Variants in SP110 observed in about 807,000 individuals in gnomAD.
SP110 encodes SP110 nuclear body protein.
SP110 carries 62 observed loss-of-function variants against 92.7 expected under a neutral mutation model. The observed-to-expected ratio is 0.67, with a 90% CI of 0.55 to 0.83. The LOEUF is 0.83. SP110 is among the 40% of genes least tolerant of loss of function. SP110 has a pLI of 0.00. For missense variants in SP110, 793 were observed against 863.9 expected (o/e 0.92, Z 1.03); for synonymous variants, 273 against 305.3 (o/e 0.89, Z 1.10).
chr2:230,197,160 C>A (rs1426392017), intron 10 of SP110, among the ~76,000 whole-genome samples: 1 of 152,116 alleles, frequency 6.6e-6, no homozygotes, highest in East Asian at 1.9e-4. Context: ...GTCCCACCAA[C>A]AGTGTAAAAG....
intron 11 of SP110, among the ~76,000 whole-genome samples, chr2:230,185,279 T>C (rs1428989870): frequency 6.6e-6 from 1 of 152,134 alleles, no homozygotes; most frequent in Non-Finnish European, 1.5e-5. Context: ...CGCTAAGTTA[T>C]CACATGGGCA....
intron 14 of SP110, among the ~76,000 whole-genome samples, chr2:230,175,670 G>A (rs1003508293): frequency 6.6e-6 from 1 of 152,172 alleles, no homozygotes; most frequent in Admixed American, 6.5e-5. Context: ...CTCATGAGTG[G>A]AGCTGATGTG....
chr2:230,176,642 G>A, intron 14 of SP110: 2 of 1,613,950 alleles, frequency 1.2e-6, no homozygotes, highest in Non-Finnish European at 1.7e-6. Flanking sequence ...CTGCAACATG[G>A]TGACTGAGAG....
At chr2:230,194,532 G>A (rs2042776874) in intron 10 of SP110, among the ~76,000 whole-genome samples, 1 of 152,120 alleles carries the variant, frequency 6.6e-6, no homozygotes, top group Admixed American at 6.5e-5. Flanking sequence ...AAGAAAAGTG[G>A]GATGAAGCAG....
At chr2:230,218,352 T>C (rs1431976959) in intron 1 of SP110, among the ~76,000 whole-genome samples, 1 of 152,088 alleles carries the variant, frequency 6.6e-6, no homozygotes, top group Non-Finnish European at 1.5e-5. Flanking sequence ...AAAATACTCA[T>C]GAAAAGAATA....
chr2:230,201,778 A>G (rs2043205718), intron 9 of SP110, among the ~76,000 whole-genome samples: 1 of 152,266 alleles, frequency 6.6e-6, no homozygotes, highest in Non-Finnish European at 1.5e-5. Context: ...TTCAAAATGC[A>G]AGGTGGATTA....
rs1392535059 is a variant in SP110, at chr2:230,171,608, T to G, written c.1887+88A>C. On this transcript the variant is annotated intron_variant, in intron 17 of 18. Transcript: ENST00000258381. ...CTGCCCTTCTCTTCTGTTCTCCAGC[T>G]TCCTGAGCAAACTGCAGCACCTGCC... 3.9e-6 allele frequency: 4 copies of G among 1,015,176 alleles called. No homozygotes were observed. In the East Asian group the frequency reaches 7.1e-5, roughly 18 times the overall value. The allele number at this position is 1,015,176 out of a possible 1,614,324, so 62.9% of individuals were successfully genotyped here. A position where few individuals can be genotyped will look rare whatever the true frequency, so the allele number is the denominator to read the frequency against.
chr2:230,220,044 A>C (rs1002447669), upstream of SP110: 71 of 985,364 alleles, frequency 7.2e-5, no homozygotes, highest in Non-Finnish European at 8.4e-5. Flanking sequence ...AAGTTTTCGG[A>C]GTTTGCCAAG....
At chr2:230,180,414 T>G (rs2042078345) in intron 12 of SP110, among the ~76,000 whole-genome samples, 3 of 142,366 alleles carry the variant, frequency 2.1e-5, no homozygotes, top group Admixed American at 7.1e-5. Flanking sequence ...ACATGAGGGG[T>G]CTGGGGAGGG....
intron 12 of SP110, among the ~76,000 whole-genome samples, chr2:230,180,001 C>T (rs1050903203): frequency 1.3e-5 from 2 of 152,194 alleles, no homozygotes; most frequent in African/African-American, 4.8e-5. Flanking sequence ...GCCTCACCTA[C>T]TCATCTTACC....
At chr2:230,195,072 T>C (rs546091812) in intron 10 of SP110, among the ~76,000 whole-genome samples, 104 of 152,210 alleles carry the variant, frequency 6.8e-4, no homozygotes, top group African/African-American at 2.4e-3. Context: ...TTCTGTTTTC[T>C]TTTTGAACTT....
In SP110 at chr2:230,199,144, TA is replaced by T. The variant is rs1446125654; in HGVS notation, c.1129+1740del. ...CTTTAGCTACTATTATTATTATTAT[TA>T]TTATTTTTTTTTTTTTTTAGTGGGG... On this transcript the variant is annotated intron_variant, in intron 10 of 18. Transcript: ENST00000258381. Among the ~76,000 whole-genome samples the T allele has an allele frequency of 5.7e-4, 77 of 134,394 alleles. 1 individual carries two copies. The highest frequency in any genetic ancestry group is 2.2e-3 in the African/African-American group (66 of 30,566). 88.2% of individuals were successfully genotyped at this position (134,394 alleles called of 152,430 possible).
At position 230,203,892 on chromosome 2, in the gene SP110, TAA is replaced by T. The variant is rs1304516154; in HGVS notation, c.899-1166_899-1165del. Among the ~76,000 whole-genome samples the T allele has an allele frequency of 9.9e-5, 15 of 152,260 alleles. 1 individual carries two copies. The South Asian group carries it at 3.1e-3, about 32-fold the overall frequency. ...GGTACAGGGTTTTAGTTTTACAAGA[TAA>T]AAGAGTCCTGGAGATGGATGGTGGT... On this transcript the variant is annotated intron_variant, in intron 8 of 18. Coordinates refer to ENST00000258381, the MANE Select transcript of SP110 (RefSeq NM_080424.4).
Position 230,202,730 on chromosome 2 carries a change from T to C in SP110, c.899-2A>G. 4 of 1,614,160 alleles carry C rather than the reference T, an allele frequency of 2.5e-6. No individual in the cohort carries two copies. The highest frequency in any genetic ancestry group is 2.5e-6 in the Non-Finnish European group (3 of 1,180,000). ...TTCCGTGTCTAGATGAGGCTGTCCC[T>C]GGACCAAATAATGACTTGTTAATAG... On this transcript the variant is annotated splice_acceptor_variant, in intron 8 of 18. Transcript: ENST00000258381. LOFTEE classifies it high-confidence loss of function.
intron 7 of SP110, 139 bp downstream of exon 7, chr2:230,209,792 T>G: frequency 1.4e-6 from 1 of 710,926 alleles, no homozygotes; most frequent in Non-Finnish European, 2.5e-6. Context: ...ATGCAGCAAA[T>G]GGAAACTGCA....
At chr2:230,220,078 G>T, upstream of SP110, 29 of 985,566 alleles carry the variant, frequency 2.9e-5, no homozygotes, top group Non-Finnish European at 3.3e-5. Context: ...GCAGGTCGGT[G>T]CCTGCAGCCT....
intron 3 of SP110, 123 bp downstream of exon 3, chr2:230,214,827 G>C: frequency 1.2e-6 from 1 of 800,442 alleles, no homozygotes; most frequent in Non-Finnish European, 2.2e-6. Flanking sequence ...AGAGAATATG[G>C]TCCATTCCAC....
chr2:230,180,777 G>A (rs1560534163), intron 12 of SP110, among the ~76,000 whole-genome samples: 1 of 152,188 alleles, frequency 6.6e-6, no homozygotes, highest in African/African-American at 2.4e-5. Flanking sequence ...GAAGGGAGAA[G>A]AAACTGATGC....
rs1422166439 is a variant in SP110, at chr2:230,215,040, A to G, written c.226T>C (p.Phe76Leu). 6.2e-7 allele frequency: 1 copy of G among 1,613,776 alleles called. No homozygotes were observed. The highest frequency in any genetic ancestry group is 1.1e-5 in the South Asian group (1 of 91,080). Residue 76 changes from phenylalanine (F) to leucine (L), a missense_variant, in exon 3 of 19, where the codon TTT becomes CTT. Phe to Leu is a conservative substitution (Grantham distance 22). Transcript: ENST00000258381. ...AATGTCACCAGAAGAGACAGGTTAA[A>G]AGTCCTCTCCAGTTGGGTGAGAATG... Reference protein sequence around the residue: ...HNILTQLERTFNLSLLVTLFS... With the variant: ...HNILTQLERTLNLSLLVTLFS...
Sources: allele counts gnomAD v4.1 joint callset (sites outside exome capture counted in the v4.1 genomes callset), GRCh38; gene constraint gnomAD v4.1.1; transcripts MANE v1.5; gene names NCBI Gene and HGNC (gene_info 2026-07-23, HGNC 2026-07-21).